The following GPATCH2 variants were observed in gnomAD, a reference collection of about 807,000 sequenced individuals.
GPATCH2 encodes G-patch domain containing 2, also known as G patch domain-containing protein 2.
GPATCH2 carries 51 observed loss-of-function variants against 58.0 expected under a neutral mutation model. The observed-to-expected ratio is 0.88, with a 90% CI of 0.70 to 1.11. GPATCH2 has a LOEUF of 1.11. GPATCH2 is among the 50% of genes most tolerant of loss of function. The pLI, the probability that GPATCH2 is intolerant of heterozygous loss-of-function variation, is 0.00. For missense variants in GPATCH2, 625 were observed against 652.2 expected, an observed-to-expected ratio of 0.96 and a Z score of 0.45; for synonymous variants, 222 against 218.5, an observed-to-expected ratio of 1.02 and a Z score of -0.14.
chr1:217,622,619 C>T (rs1252487614), intron 1 of GPATCH2, among the ~76,000 whole-genome samples: 2 of 152,240 alleles, frequency 1.3e-5, no homozygotes, highest in Non-Finnish European at 2.9e-5. Context: ...TCTCGGCTCA[C>T]TGCAACTTCT....
At chr1:217,481,569 T>C (rs1661214068) in intron 8 of GPATCH2, among the ~76,000 whole-genome samples, 1 of 152,122 alleles carries the variant, frequency 6.6e-6, no homozygotes, top group Non-Finnish European at 1.5e-5. Context: ...ACTTAACAAG[T>C]GCCTAAGGCC....
chr1:217,524,872 GA>G (rs1663766903), intron 5 of GPATCH2, among the ~76,000 whole-genome samples: 1 of 5,014 alleles, frequency 2.0e-4, no homozygotes, highest in Non-Finnish European at 5.6e-4. Flanking sequence ...GGGGAGAGGG[GA>G]GAGGGGGGAG....
chr1:217,558,328 T>G (rs567448691), intron 5 of GPATCH2, among the ~76,000 whole-genome samples: 6 of 152,278 alleles, frequency 3.9e-5, no homozygotes, highest in African/African-American at 1.4e-4. Flanking sequence ...TAAATAAATA[T>G]TTTGACACTG....
chr1:217,456,195 A>C (rs2102480430), intron 8 of GPATCH2, among the ~76,000 whole-genome samples: 1 of 152,280 alleles, frequency 6.6e-6, no homozygotes, highest in South Asian at 2.1e-4. Context: ...TGGATGGCAA[A>C]GCTAAAAGAG....
At chr1:217,545,921 CAAT>C (rs1665020489) in intron 5 of GPATCH2, among the ~76,000 whole-genome samples, 1 of 152,160 alleles carries the variant, frequency 6.6e-6, no homozygotes, top group African/African-American at 2.4e-5. Flanking sequence ...AAGGCCATTT[CAAT>C]AATTTTCTCT....
rs144373771 is a variant in GPATCH2, at chr1:217,451,039, G to A, written c.1278-1702C>T. Among the ~76,000 whole-genome samples, 106 of 152,216 alleles carry A rather than the reference G, an allele frequency of 7.0e-4. 1 individual carries two copies. The East Asian group carries it at 0.018, about 26-fold the overall frequency. On this transcript the variant is annotated intron_variant, in intron 8 of 9. Coordinates refer to ENST00000366935, the MANE Select transcript of GPATCH2 (RefSeq NM_018040.5). ...AGATACAAAGGAAATGAAACTTTCAGTTCTCATTATTGGAAGAATTTAAAG... is the reference window on the plus strand; with the variant it reads ...AGATACAAAGGAAATGAAACTTTCAATTCTCATTATTGGAAGAATTTAAAG...
intron 5 of GPATCH2, among the ~76,000 whole-genome samples, chr1:217,547,602 GC>G (rs1221362348): frequency 6.6e-6 from 1 of 152,148 alleles, no homozygotes; most frequent in Non-Finnish European, 1.5e-5. Context: ...ATTCACAATA[GC>G]AAAGACATGG....
intron 3 of GPATCH2, 22 bp downstream of exon 3, chr1:217,614,119 G>GAAA: frequency 7.0e-7 from 1 of 1,425,748 alleles, no homozygotes; most frequent in Non-Finnish European, 9.9e-7. Context: ...TCCAAAGAGA[G>GAAA]AAAAAAATAT....
chr1:217,629,178 G>T (rs1166394210), intron 1 of GPATCH2, among the ~76,000 whole-genome samples: 1 of 151,732 alleles, frequency 6.6e-6, no homozygotes, highest in Non-Finnish European at 1.5e-5. Context: ...TTCAATTAAT[G>T]AAGAAGAAAA....
At chr1:217,599,621 G>T (rs766764534) in intron 5 of GPATCH2, among the ~76,000 whole-genome samples, 1 of 152,078 alleles carries the variant, frequency 6.6e-6, no homozygotes, top group Non-Finnish European at 1.5e-5. Flanking sequence ...AAACTGTAAG[G>T]TACTTGAGGA....
At chr1:217,563,734 G>A (rs1666047072) in intron 5 of GPATCH2, among the ~76,000 whole-genome samples, 1 of 152,124 alleles carries the variant, frequency 6.6e-6, no homozygotes, top group Non-Finnish European at 1.5e-5. Flanking sequence ...TCAGAAGAAT[G>A]AAGAGAAAGT....
chr1:217,514,672 G>C (rs1404074075), intron 6 of GPATCH2, 150 bp downstream of exon 6: 7 of 456,000 alleles, frequency 1.5e-5, no homozygotes, highest in Non-Finnish European at 2.8e-5. Context: ...TTTCGTTTAA[G>C]TTGTTCTTAC....
chr1:217,529,301 C>T (rs1222051145), intron 5 of GPATCH2, among the ~76,000 whole-genome samples: 1 of 152,104 alleles, frequency 6.6e-6, no homozygotes, highest in African/African-American at 2.4e-5. Flanking sequence ...GAAATTTGGT[C>T]CCTGGCATAA....
At chr1:217,533,932 A>G (rs1664330681) in intron 5 of GPATCH2, among the ~76,000 whole-genome samples, 2 of 152,154 alleles carry the variant, frequency 1.3e-5, no homozygotes, top group Non-Finnish European at 2.9e-5. Flanking sequence ...AAAGATTCTT[A>G]CAGCCAGGCA....
At chr1:217,511,107 A>C (rs182559966) in intron 6 of GPATCH2, among the ~76,000 whole-genome samples, 102 of 152,188 alleles carry the variant, frequency 6.7e-4, no homozygotes, top group Non-Finnish European at 1.1e-3. Context: ...AAAAGAAAAA[A>C]TAAAATAAAT....
At chr1:217,490,581 T>C (rs1661675625) in intron 8 of GPATCH2, among the ~76,000 whole-genome samples, 1 of 152,204 alleles carries the variant, frequency 6.6e-6, no homozygotes, top group African/African-American at 2.4e-5. Context: ...TCTGGCTCAT[T>C]CTTCAGATGT....
chr1:217,460,916 C>T (rs1302559991), intron 8 of GPATCH2, among the ~76,000 whole-genome samples: 1 of 152,150 alleles, frequency 6.6e-6, no homozygotes, highest in East Asian at 1.9e-4. Context: ...AGAGAGTCTA[C>T]AATTTACTTG....
chr1:217,453,563 T>A (rs150592874), intron 8 of GPATCH2, among the ~76,000 whole-genome samples: 14 of 152,330 alleles, frequency 9.2e-5, no homozygotes, highest in African/African-American at 1.4e-4. Context: ...CAACTTCACT[T>A]GGTTTATTCC....
chr1:217,514,841 G>C lies in GPATCH2; in HGVS notation c.1147C>G (p.Pro383Ala), dbSNP rs1384304361. ...VGNKRMVHFS[P>A]DSHHHDHWFS... is the part of the protein sequence containing the mutation. ...ACTCACTCATGGTGATGAGAATCCG[G>C]GGAAAAATGAACCATTCTCTTGTTA... is the stretch of plus-strand genomic sequence containing the variant. Residue 383 changes from proline (P) to alanine (A), a missense_variant, in exon 6 of 10, where the codon CCG becomes GCG. Coordinates refer to ENST00000366935, the MANE Select transcript of GPATCH2 (RefSeq NM_018040.5). 2.6e-6 allele frequency: 4 copies of C among 1,517,606 alleles called. No individual in the cohort carries two copies. The East Asian group carries it at 6.8e-5, about 26-fold the overall frequency. 94.0% of individuals were successfully genotyped at this position (1,517,606 alleles called of 1,614,324 possible). A position where few individuals can be genotyped will look rare whatever the true frequency, so the allele number is the denominator to read the frequency against.
Sources: gnomAD v4.1 joint callset for allele counts (sites outside exome capture counted in the v4.1 genomes callset) on GRCh38, gnomAD v4.1.1 for gene constraint, MANE v1.5 for transcripts, NCBI Gene and HGNC (gene_info 2026-07-23, HGNC 2026-07-21) for gene names.